Variants in PPP1R12A observed in about 807,000 individuals in gnomAD.
PPP1R12A encodes myosin binding subunit.
Under a neutral mutation model 139.6 loss-of-function variants are expected in PPP1R12A, and 19 were observed. That is an observed-to-expected ratio of 0.14 (90% confidence interval 0.09 to 0.20). The LOEUF is 0.20. Among genes scored for constraint, PPP1R12A ranks in the 10% least tolerant of loss-of-function variants. The pLI, the probability that PPP1R12A is intolerant of heterozygous loss-of-function variation, is 1.00. For synonymous variants in PPP1R12A, 427 were observed against 420.6 expected, an observed-to-expected ratio of 1.02 and a Z score of -0.19; for missense variants, 925 against 1,211.5, an observed-to-expected ratio of 0.76 and a Z score of 3.51.
At chr12:79,880,578 A>G (rs551327186) in intron 1 of PPP1R12A, among the ~76,000 whole-genome samples, 1 of 152,300 alleles carries the variant, frequency 6.6e-6, no homozygotes, top group African/African-American at 2.4e-5. Context: ...TCAAGTAAGT[A>G]GTAGGAGAAA....
chr12:79,837,972 C>G (rs898689136), intron 3 of PPP1R12A, among the ~76,000 whole-genome samples: 6 of 152,064 alleles, frequency 3.9e-5, no homozygotes, highest in Non-Finnish European at 8.8e-5. Context: ...TGTAAAGATA[C>G]CCAAAAAATG....
chr12:79,836,132 T>C (rs1430421622), intron 3 of PPP1R12A, among the ~76,000 whole-genome samples: 3 of 152,178 alleles, frequency 2.0e-5, no homozygotes, highest in East Asian at 3.9e-4. Context: ...CAATAAATTG[T>C]ATAAACTATA....
At chr12:79,904,852 G>C (rs1483040013) in intron 1 of PPP1R12A, among the ~76,000 whole-genome samples, 4 of 152,122 alleles carry the variant, frequency 2.6e-5, no homozygotes, top group Non-Finnish European at 4.4e-5. Flanking sequence ...AAGTAAAGTG[G>C]AGACCAAGAG....
At chr12:79,855,516 T>C (rs1440231677) in intron 2 of PPP1R12A, among the ~76,000 whole-genome samples, 1 of 152,170 alleles carries the variant, frequency 6.6e-6, no homozygotes, top group East Asian at 1.9e-4. Context: ...CTGGGTCAAA[T>C]GGTAACTGTT....
intron 14 of PPP1R12A, among the ~76,000 whole-genome samples, chr12:79,803,475 A>G (rs1207775260): frequency 6.6e-6 from 1 of 152,000 alleles, no homozygotes; most frequent in Non-Finnish European, 1.5e-5. Context: ...GATGCTTACC[A>G]TTTTCTGAGC....
At chr12:79,790,786 A>G (rs1455473290) in intron 19 of PPP1R12A, among the ~76,000 whole-genome samples, 2 of 152,322 alleles carry the variant, frequency 1.3e-5, no homozygotes, top group East Asian at 3.9e-4. Flanking sequence ...AAGGTAAAAC[A>G]GTCTTACTGG....
chr12:79,807,325 G>C lies in PPP1R12A; in HGVS notation c.1556C>G (p.Ser519Cys), dbSNP rs1873956034. ...SDIEEKENRDSSSLRTSSSYT... is the reference protein window; with the variant it reads ...SDIEEKENRDCSSLRTSSSYT... ...TGAACTACTTGTTCGCAAACTTGAA[G>C]AATCTCTGTTAAAAGAACACCCTTC... is the stretch of plus-strand genomic sequence containing the variant. Residue 519 changes from serine (S) to cysteine (C), a missense_variant, in exon 12 of 25, where the codon TCT (serine) becomes TGT (cysteine). By Grantham distance (112) the Ser-to-Cys change is moderately radical. Coordinates refer to ENST00000450142, the MANE Select transcript of PPP1R12A (RefSeq NM_002480.3). The C allele has an allele frequency of 6.5e-7, 1 of 1,539,714 alleles. No individual in the cohort carries two copies. Among genetic ancestry groups the C allele is most frequent in the Admixed American group, 2.0e-5 (1 of 50,550 alleles).
At chr12:79,918,886 C>T (rs1361110660) in intron 1 of PPP1R12A, among the ~76,000 whole-genome samples, 1 of 152,090 alleles carries the variant, frequency 6.6e-6, no homozygotes, top group African/African-American at 2.4e-5. Flanking sequence ...GAGGCCAAGG[C>T]GGGCAGATTA....
intron 1 of PPP1R12A, among the ~76,000 whole-genome samples, chr12:79,895,088 A>G (rs1254217843): frequency 6.6e-6 from 1 of 152,118 alleles, no homozygotes; most frequent in Non-Finnish European, 1.5e-5. Context: ...TTCTATGAGT[A>G]ATGATTATTT....
At chr12:79,792,191 T>C (rs538084047) in intron 19 of PPP1R12A, among the ~76,000 whole-genome samples, 1 of 152,300 alleles carries the variant, frequency 6.6e-6, no homozygotes, top group South Asian at 2.1e-4. Context: ...TCTATGCACA[T>C]ACATTGCACC....
chr12:79,862,068 A>T (rs1881397120), intron 2 of PPP1R12A, among the ~76,000 whole-genome samples: 1 of 152,062 alleles, frequency 6.6e-6, no homozygotes, highest in African/African-American at 2.4e-5. Flanking sequence ...GCAGAAGAAA[A>T]CAGACACCTC....
At chr12:79,935,103 G>C (rs1460463184), upstream of PPP1R12A, 1 of 1,365,542 alleles carries the variant, frequency 7.3e-7, no homozygotes, top group East Asian at 3.0e-5. Flanking sequence ...GCACTGGGGC[G>C]GCGCACCCGG....
chr12:79,809,865 T>G lies in PPP1R12A; in HGVS notation c.1385A>C (p.Lys462Thr). ...ITASKEGQKE[K>T]DTAGVTRSAS... ...TGAACGTGTAACACCTGCAGTATCT[T>G]TTTCTTTCTGACCCTCTTTAGATGC... Residue 462 changes from lysine (K) to threonine (T), a missense_variant, in exon 10 of 25, where the codon AAA becomes ACA. Physicochemically the swap from Lys to Thr is moderately conservative, Grantham distance 78. Around this residue, in one of 4 missense-constraint regions of PPP1R12A, gnomAD observed 403 missense variants for 463.7 expected, o/e 0.87. Transcript: ENST00000450142. 1 of 1,613,556 alleles carries G rather than the reference T, an allele frequency of 6.2e-7. No homozygotes were observed. Among genetic ancestry groups the G allele is most frequent in the Non-Finnish European group, 8.5e-7 (1 of 1,179,698 alleles).
rs1875758101 is a variant in PPP1R12A, at chr12:79,819,053, G to T, written c.1115-1535C>A. 3 of 152,134 alleles carry T rather than the reference G, an allele frequency of 2.0e-5. No individual in the cohort carries two copies. The South Asian group carries it at 6.2e-4, about 32-fold the overall frequency. The allele number at this position is 152,134 out of a possible 1,614,324, so 9.4% of individuals were successfully genotyped here. A position where few individuals can be genotyped will look rare whatever the true frequency, so the allele number is the denominator to read the frequency against. ...TCTTGAGACAGAGTCAAATTTTCCT[G>T]GCACAACTGCCACTAGCAACAGGAA... On this transcript the variant is annotated intron_variant, in intron 8 of 24. Coordinates refer to ENST00000450142, the MANE Select transcript of PPP1R12A (RefSeq NM_002480.3).
intron 2 of PPP1R12A, among the ~76,000 whole-genome samples, chr12:79,866,130 C>A (rs1164798818): frequency 6.6e-6 from 1 of 152,114 alleles, no homozygotes; most frequent in African/African-American, 2.4e-5. Context: ...ATATACAGAC[C>A]AATGGAACAG....
At chr12:79,808,208 C>T (rs1874096686) in intron 11 of PPP1R12A, among the ~76,000 whole-genome samples, 1 of 151,714 alleles carries the variant, frequency 6.6e-6, no homozygotes, top group South Asian at 2.1e-4. Context: ...CTAAATGTTC[C>T]AAATATTTAG....
chr12:79,781,464 T>C (rs181766293), intron 23 of PPP1R12A, among the ~76,000 whole-genome samples: 45 of 152,212 alleles, frequency 3.0e-4, no homozygotes, highest in African/African-American at 1.1e-3. Flanking sequence ...ATAAATGTAT[T>C]TATGATTAAA....
intron 2 of PPP1R12A, among the ~76,000 whole-genome samples, chr12:79,861,507 T>C: frequency 6.6e-6 from 1 of 152,062 alleles, no homozygotes; most frequent in African/African-American, 2.4e-5. Flanking sequence ...CAGGGCGGGG[T>C]GTTGCCTCAC....
chr12:79,848,292 T>C (rs1047331503), intron 2 of PPP1R12A, among the ~76,000 whole-genome samples: 1 of 152,132 alleles, frequency 6.6e-6, no homozygotes, highest in Non-Finnish European at 1.5e-5. Context: ...AGGTAAGATA[T>C]AGTGGAGTCT....
Sources: gnomAD v4.1 joint callset for allele counts (sites outside exome capture counted in the v4.1 genomes callset) on GRCh38, gnomAD v4.1.1 for gene constraint, gnomAD v4.1.1 regional missense constraint, MANE v1.5 for transcripts, NCBI Gene and HGNC (gene_info 2026-07-23, HGNC 2026-07-21) for gene names.